The following KIF1B variants were observed in gnomAD, a reference collection of about 807,000 sequenced individuals.
KIF1B encodes kinesin family member 1B.
A neutral mutation model predicts 241.9 loss-of-function variants in KIF1B; 76 were observed. That is an observed-to-expected ratio of 0.31 (90% CI 0.26 to 0.38). The LOEUF is 0.38. KIF1B is among the 10% of genes least tolerant of loss of function. The pLI is 1.00. For synonymous variants in KIF1B, 750 were observed against 796.7 expected (o/e 0.94, Z 0.99); for missense variants, 1,622 against 2,271.4 (o/e 0.71, Z 5.81).
Position 10,315,443 on chromosome 1 carries a change from T to C in KIF1B, c.2116-4600T>C, listed in dbSNP as rs563812817. Among the ~76,000 whole-genome samples the C allele has an allele frequency of 4.0e-5, 6 of 151,370 alleles. No homozygotes were observed. The South Asian group carries it at 1.2e-3, about 31-fold the overall frequency. Reference sequence around the variant, plus strand: ...TGCCTGCCTCGGCCTCCCAAAGTGCTGGGATTACAGGCATGAGCCACTGCA... The same window carrying C: ...TGCCTGCCTCGGCCTCCCAAAGTGCCGGGATTACAGGCATGAGCCACTGCA... On this transcript the variant is annotated intron_variant, in intron 22 of 48. Coordinates refer to ENST00000676179, the MANE Select transcript of KIF1B (RefSeq NM_001365951.3).
rs569934440 is a variant in KIF1B, at chr1:10,336,464, T to C, written c.3044-193T>C. The stretch of plus-strand genomic sequence containing the variant: ...ACCCGGCCTGAAACCGATTCTTTAT[T>C]GACTAGTCTCATTTGAGCTGAGGAA... On this transcript the variant is annotated intron_variant, in intron 28 of 48. Coordinates refer to ENST00000676179, the MANE Select transcript of KIF1B (RefSeq NM_001365951.3). 7.2e-5 allele frequency among the ~76,000 whole-genome samples: 11 copies of C among 152,318 alleles called. No individual in the cohort carries two copies. In the East Asian group the frequency reaches 2.1e-3, roughly 29 times the overall value.
chr1:10,254,950 T>C (rs1301298341), intron 2 of KIF1B, among the ~76,000 whole-genome samples: 1 of 151,344 alleles, frequency 6.6e-6, no homozygotes, highest in African/African-American at 2.4e-5. Flanking sequence ...CTAATTTTCA[T>C]TTCTCTTTTT....
chr1:10,378,778 AGAG>A lies in KIF1B; in HGVS notation c.*2197_*2199del. The stretch of plus-strand genomic sequence containing the variant: ...TTCGCTCCTTATCACTGCATTGTGA[AGAG>A]GAGGAAAAGTGAATCACGGAGAGAG... On this transcript the variant is annotated 3_prime_UTR_variant, in exon 49 of 49. Coordinates refer to ENST00000676179, the MANE Select transcript of KIF1B (RefSeq NM_001365951.3). 2 of 273,752 alleles carry A rather than the reference AGAG, an allele frequency of 7.3e-6. No individual in the cohort carries two copies. The highest frequency in any genetic ancestry group is 1.8e-4 in the South Asian group (2 of 11,352). The allele number at this position is 273,752 out of a possible 1,614,324, so 17.0% of individuals were successfully genotyped here.
At chr1:10,263,278 AAAT>A (rs1037081497) in intron 5 of KIF1B, among the ~76,000 whole-genome samples, 5 of 150,146 alleles carry the variant, frequency 3.3e-5, no homozygotes, top group Non-Finnish European at 7.4e-5. Context: ...CTCAAAAAAA[AAAT>A]AATAATAATA....
At chr1:10,321,284 A>G (rs1651513424) in intron 23 of KIF1B, among the ~76,000 whole-genome samples, 1 of 151,902 alleles carries the variant, frequency 6.6e-6, no homozygotes, top group African/African-American at 2.4e-5. Flanking sequence ...TTGTAATTTT[A>G]GTAGAGATGT....
At chr1:10,304,172 C>G (rs1557701574) in intron 22 of KIF1B, 2 of 1,613,704 alleles carry the variant, frequency 1.2e-6, no homozygotes, top group Admixed American at 3.3e-5. Flanking sequence ...GACGATGAAG[C>G]AAGGAAAGGG....
At chr1:10,321,613 A>T (rs1651526414) in intron 23 of KIF1B, 96 bp from the exon 24 acceptor site, 20 of 1,342,348 alleles carry the variant, frequency 1.5e-5, no homozygotes, top group Non-Finnish European at 2.0e-5. Flanking sequence ...AAACTGGAAA[A>T]CACCTCACCT....
At chr1:10,297,149 T>A in intron 21 of KIF1B, 25 bp from the exon 22 acceptor site, 3 of 193,144 alleles carry the variant, frequency 1.6e-5, no homozygotes, top group Non-Finnish European at 2.9e-5. Flanking sequence ...CATTCTTGAA[T>A]TTTTTTTTTT....
chr1:10,249,322 A>G (rs1487015797), intron 2 of KIF1B, among the ~76,000 whole-genome samples: 1 of 151,250 alleles, frequency 6.6e-6, no homozygotes, highest in African/African-American at 2.4e-5. Context: ...CAGTAGTACA[A>G]TCCTCTTTTT....
chr1:10,269,589 G>A (rs1648669690), intron 7 of KIF1B, among the ~76,000 whole-genome samples: 1 of 151,576 alleles, frequency 6.6e-6, no homozygotes, highest in Non-Finnish European at 1.5e-5. Flanking sequence ...GGAGGCTGAG[G>A]CGGGTGGATC....
intron 17 of KIF1B, among the ~76,000 whole-genome samples, chr1:10,292,823 T>G (rs908230044): frequency 1.3e-5 from 2 of 152,230 alleles, no homozygotes; most frequent in African/African-American, 4.8e-5. Context: ...TTTTGTGTGC[T>G]TATGTATCAG....
intron 38 of KIF1B, among the ~76,000 whole-genome samples, chr1:10,358,756 T>G (rs1286833650): frequency 6.6e-6 from 1 of 151,766 alleles, no homozygotes; most frequent in African/African-American, 2.4e-5. Context: ...AAGCAGTGGA[T>G]GTCGTCACCC....
At position 10,265,569 on chromosome 1, in the gene KIF1B, G is replaced by C. The variant is rs142849158; in HGVS notation, c.430-1811G>C. On this transcript the variant is annotated intron_variant, in intron 5 of 48. Transcript: ENST00000676179. The stretch of plus-strand genomic sequence containing the variant: ...ATTTTAAAACACAAATTAAGGCCAG[G>C]TGCGGTGGCTCACACCTGTAATCCC... 6.5e-3 allele frequency among the ~76,000 whole-genome samples: 993 copies of C among 152,258 alleles called. 9 individuals are homozygous for C. The highest frequency in any genetic ancestry group is 0.037 in the South Asian group (179 of 4,828).
intron 14 of KIF1B, among the ~76,000 whole-genome samples, chr1:10,280,505 A>C (rs566302645): frequency 9.8e-5 from 15 of 152,308 alleles, no homozygotes; most frequent in African/African-American, 3.6e-4. Context: ...AAGTGCTGGC[A>C]TTACAGGTGT....
In KIF1B at chr1:10,376,597, C is replaced by T. The variant is rs530598816; in HGVS notation, c.*10C>T. 2 of 1,613,582 alleles carry T rather than the reference C, an allele frequency of 1.2e-6. No homozygotes were observed. Among genetic ancestry groups the T allele is most frequent in the African/African-American group, 2.7e-5 (2 of 75,018 alleles). ...CCAGTCGAAATACTAAGTGACTCTGCCGAGTGCCCTCACTCGCCTTCGAGA... is the reference window on the plus strand; with the variant it reads ...CCAGTCGAAATACTAAGTGACTCTGTCGAGTGCCCTCACTCGCCTTCGAGA... On this transcript the variant is annotated 3_prime_UTR_variant, in exon 49 of 49. Coordinates refer to ENST00000676179, the MANE Select transcript of KIF1B (RefSeq NM_001365951.3).
intron 2 of KIF1B, among the ~76,000 whole-genome samples, chr1:10,247,006 A>G (rs916495925): frequency 2.0e-5 from 3 of 152,152 alleles, no homozygotes; most frequent in Admixed American, 2.0e-4. Flanking sequence ...CTGGGACTAC[A>G]GGTGCGTGCT....
rs1272356485 is a variant in KIF1B at position 10,210,977 on chromosome 1, G to C, written c.-80+99G>C. Reference sequence around the variant, plus strand: ...AGCGGCCGGGCCGGGGTCCGGGCGGGGTCTGAGGGGAGGTAGCGCGGGACG... The same window carrying C: ...AGCGGCCGGGCCGGGGTCCGGGCGGCGTCTGAGGGGAGGTAGCGCGGGACG... On this transcript the variant is annotated intron_variant, in intron 1 of 48. Transcript: ENST00000676179. This position sits in a 1 kb window ranked among gnomAD's most constrained non-coding sequence, Gnocchi z 4.1. 2.0e-5 allele frequency: 3 copies of C among 151,868 alleles called. No individual in the cohort carries two copies. Among genetic ancestry groups the C allele is most frequent in the Non-Finnish European group, 4.4e-5 (3 of 67,962 alleles). 9.4% of individuals were successfully genotyped at this position (151,868 alleles called of 1,614,324 possible). A position where few individuals can be genotyped will look rare whatever the true frequency, so the allele number is the denominator to read the frequency against.
chr1:10,331,775 G>A (rs1017136835), intron 27 of KIF1B, among the ~76,000 whole-genome samples: 4 of 152,138 alleles, frequency 2.6e-5, no homozygotes, highest in Non-Finnish European at 5.9e-5. Flanking sequence ...ATACCAAATG[G>A]GAAGACTGGA....
Position 10,326,627 on chromosome 1 carries a change from G to A in KIF1B, c.2924+268G>A, listed in dbSNP as rs949367120. ...AAGACACCTTGTCTTAAATTGCCCA[G>A]TAATTTTGTTCTGAAGAAGGGAACC... On this transcript the variant is annotated intron_variant, in intron 27 of 48. Coordinates refer to ENST00000676179, the MANE Select transcript of KIF1B (RefSeq NM_001365951.3). This position sits in a 1 kb window ranked among gnomAD's most constrained non-coding sequence, Gnocchi z 5.2. Among the ~76,000 whole-genome samples, 13 of 152,184 alleles carry A rather than the reference G, an allele frequency of 8.5e-5. No homozygotes were observed. The highest frequency in any genetic ancestry group is 2.4e-4 in the African/African-American group (10 of 41,450).
Sources: allele counts gnomAD v4.1 joint callset (sites outside exome capture counted in the v4.1 genomes callset), GRCh38; gene constraint gnomAD v4.1.1; non-coding constraint Gnocchi (gnomAD v3.1); transcripts MANE v1.5; gene names NCBI Gene and HGNC (gene_info 2026-07-23, HGNC 2026-07-21).